SLCO5A1: variants seen among roughly 807,000 people sequenced by gnomAD.
SLCO5A1 encodes solute carrier organic anion transporter family member 5A1.
In SLCO5A1, 39 loss-of-function variants were observed where a neutral mutation model predicts 65.1. The observed-to-expected ratio is 0.60, with a 90% confidence interval of 0.46 to 0.78. SLCO5A1 has a LOEUF of 0.78. Among genes scored for constraint, SLCO5A1 ranks in the 30% least tolerant of loss-of-function variants. The pLI is 0.00. For synonymous variants in SLCO5A1, 438 were observed against 415.7 expected (o/e 1.05, Z -0.65); for missense variants, 1,029 against 1,069.4 (o/e 0.96, Z 0.53).
rs202146723 is a variant in SLCO5A1, at chr8:69,674,008, GA to G, written c.2090-683del. On this transcript the variant is annotated intron_variant, in intron 9 of 9. Transcript: ENST00000260126. Reference sequence around the variant, plus strand: ...CATAGACATTTCCTTAATCCAATGAGAAAAAAAGTCTACCTAGTACATAGAC... The same window carrying G: ...CATAGACATTTCCTTAATCCAATGAGAAAAAAGTCTACCTAGTACATAGAC... 8.7e-3 allele frequency among the ~76,000 whole-genome samples: 1,327 copies of G among 152,152 alleles called. 18 individuals are homozygous for G. The highest frequency in any genetic ancestry group is 0.03 in the African/African-American group (1,260 of 41,506).
chr8:69,704,744 A>G (rs979610644), intron 6 of SLCO5A1: 1 of 368,348 alleles, frequency 2.7e-6, no homozygotes, highest in Non-Finnish European at 4.9e-6. Flanking sequence ...CATTATAATA[A>G]AAACCAAACA....
chr8:69,750,428 C>T (rs1270371802), intron 4 of SLCO5A1, among the ~76,000 whole-genome samples: 1 of 152,128 alleles, frequency 6.6e-6, no homozygotes, highest in African/African-American at 2.4e-5. Context: ...TCAAACCTCC[C>T]CATTCCCCGT....
At chr8:69,820,570 C>T (rs1224424887) in intron 2 of SLCO5A1, among the ~76,000 whole-genome samples, 1 of 152,072 alleles carries the variant, frequency 6.6e-6, no homozygotes, top group Non-Finnish European at 1.5e-5. Flanking sequence ...CAGTGGCTCA[C>T]ACTTGTAATC....
chr8:69,813,168 TACTC>T (rs1820274809), intron 2 of SLCO5A1, among the ~76,000 whole-genome samples: 1 of 152,196 alleles, frequency 6.6e-6, no homozygotes, highest in Non-Finnish European at 1.5e-5. Context: ...TATGCAGTCT[TACTC>T]ACTTAAATTT....
At chr8:69,740,027 C>T (rs551213153) in intron 4 of SLCO5A1, among the ~76,000 whole-genome samples, 9 of 152,214 alleles carry the variant, frequency 5.9e-5, no homozygotes, top group Admixed American at 3.9e-4. Context: ...TTATATTGAA[C>T]GGGTTTTTCT....
intron 2 of SLCO5A1, among the ~76,000 whole-genome samples, chr8:69,824,750 A>G (rs567225709): frequency 1.3e-5 from 2 of 152,340 alleles, no homozygotes; most frequent in South Asian, 2.1e-4. Context: ...CAATAGAAAA[A>G]GAGGGAATCC....
chr8:69,713,315 T>C (rs893642139), intron 5 of SLCO5A1: 2 of 152,226 alleles, frequency 1.3e-5, no homozygotes, highest in Admixed American at 6.5e-5. Flanking sequence ...CTATCAATAA[T>C]TAAGGAATAT....
intron 5 of SLCO5A1, among the ~76,000 whole-genome samples, chr8:69,734,205 G>A (rs921134425): frequency 6.6e-6 from 1 of 152,146 alleles, no homozygotes; most frequent in African/African-American, 2.4e-5. Context: ...CCCTGCACCT[G>A]CTTGCCTTTG....
intron 5 of SLCO5A1, among the ~76,000 whole-genome samples, chr8:69,727,118 T>A (rs1265658831): frequency 2.0e-5 from 3 of 152,172 alleles, no homozygotes; most frequent in African/African-American, 7.2e-5. Flanking sequence ...TGTGAGGCCT[T>A]GAAGGTGGGA....
chr8:69,834,735 TACACACACACACACAC>T (rs57972006), intron 1 of SLCO5A1, 103 bp downstream of exon 1: 39,211 of 139,196 alleles, frequency 0.28, 5,254 homozygotes, highest in East Asian at 0.31. Flanking sequence ...ACGCACATCC[TACACACACACACACAC>T]ACACACACAC....
chr8:69,768,740 C>G (rs1035234735), intron 2 of SLCO5A1, among the ~76,000 whole-genome samples: 30 of 152,160 alleles, frequency 2.0e-4, no homozygotes, highest in Admixed American at 2.0e-4. Flanking sequence ...CCTTAACAAC[C>G]TCCCTAAGGG....
intron 4 of SLCO5A1, among the ~76,000 whole-genome samples, chr8:69,750,595 C>A (rs1817249384): frequency 6.6e-6 from 1 of 152,094 alleles, no homozygotes; most frequent in African/African-American, 2.4e-5. Context: ...CTACACAGTC[C>A]CAGTTTTCTG....
At chr8:69,745,847 C>T (rs1816988094) in intron 4 of SLCO5A1, among the ~76,000 whole-genome samples, 1 of 152,074 alleles carries the variant, frequency 6.6e-6, no homozygotes, top group Non-Finnish European at 1.5e-5. Flanking sequence ...AATATAAATA[C>T]TTTCTTACTA....
intron 2 of SLCO5A1, among the ~76,000 whole-genome samples, chr8:69,827,670 G>A (rs1159390449): frequency 6.6e-6 from 1 of 152,114 alleles, no homozygotes; most frequent in Non-Finnish European, 1.5e-5. Flanking sequence ...TAAGGAAGGG[G>A]TGGGTGGCAA....
intron 2 of SLCO5A1, among the ~76,000 whole-genome samples, chr8:69,769,449 C>A (rs1389641008): frequency 1.3e-5 from 2 of 152,170 alleles, no homozygotes; most frequent in Non-Finnish European, 2.9e-5. Flanking sequence ...CCAGCCCCCA[C>A]ACCTGTGCCA....
intron 6 of SLCO5A1, among the ~76,000 whole-genome samples, chr8:69,684,134 C>A (rs1463432872): frequency 6.6e-6 from 1 of 152,114 alleles, no homozygotes; most frequent in African/African-American, 2.4e-5. Context: ...CTCTAATAAT[C>A]ATTACATTCA....
chr8:69,789,044 T>C (rs1819153309), intron 2 of SLCO5A1, among the ~76,000 whole-genome samples: 1 of 152,196 alleles, frequency 6.6e-6, no homozygotes, highest in East Asian at 1.9e-4. Context: ...AACATATGTA[T>C]TTATTTCCAC....
chr8:69,799,572 C>G (rs968785151), intron 2 of SLCO5A1, among the ~76,000 whole-genome samples: 28 of 152,180 alleles, frequency 1.8e-4, no homozygotes, highest in Non-Finnish European at 3.4e-4. Context: ...GTTGTAAGGA[C>G]TTACCTGAGA....
intron 2 of SLCO5A1, among the ~76,000 whole-genome samples, chr8:69,771,044 G>C (rs558754948): frequency 7.9e-5 from 12 of 152,180 alleles, no homozygotes; most frequent in Non-Finnish European, 1.2e-4. Flanking sequence ...GAGTGCAGTG[G>C]TGCTACCTTG....
Sources: gnomAD v4.1 joint callset for allele counts (sites outside exome capture counted in the v4.1 genomes callset) on GRCh38, gnomAD v4.1.1 for gene constraint, MANE v1.5 for transcripts, NCBI Gene and HGNC (gene_info 2026-07-23, HGNC 2026-07-21) for gene names.